The following PDE1C variants were observed in gnomAD, a reference collection of about 807,000 sequenced individuals.
PDE1C encodes dual specificity calcium/calmodulin-dependent 3',5'-cyclic nucleotide phosphodiesterase 1C.
Under a neutral mutation model 93.1 loss-of-function variants are expected in PDE1C, and 62 were observed. The observed-to-expected ratio is 0.67, with a 90% confidence interval of 0.54 to 0.82. PDE1C has a LOEUF of 0.82. Ranked by LOEUF, PDE1C falls within the 40% of genes least tolerant of loss-of-function variation. The pLI, the probability that PDE1C is intolerant of heterozygous loss-of-function variation, is 0.00. For missense variants in PDE1C, 742 were observed against 884.6 expected (o/e 0.84, Z 2.04); for synonymous variants, 325 against 310.1 (o/e 1.05, Z -0.50).
chr7:31,643,606 A>G, the PDE1C span: 2 of 1,614,036 alleles, frequency 1.2e-6, no homozygotes, highest in Non-Finnish European at 1.7e-6. Flanking sequence ...TGTTACCGCA[A>G]CAGAAACAAG....
At chr7:32,094,601 C>A (rs948426551) in intron 3 of PDE1C, among the ~76,000 whole-genome samples, 1 of 152,170 alleles carries the variant, frequency 6.6e-6, no homozygotes, top group Non-Finnish European at 1.5e-5. Flanking sequence ...GCCAACCAAA[C>A]AACTAAATCT....
intron 3 of PDE1C, among the ~76,000 whole-genome samples, chr7:32,111,102 G>A (rs374733305): frequency 4.6e-5 from 7 of 152,062 alleles, no homozygotes; most frequent in South Asian, 2.1e-4. Context: ...TAAAAGACTC[G>A]GGTCTTCCTG....
Position 31,815,937 on chromosome 7 carries a change from T to A in PDE1C, c.1800A>T (p.Glu600Asp). 6.2e-7 allele frequency: 1 copy of A among 1,611,490 alleles called. No individual in the cohort carries two copies. The highest frequency in any genetic ancestry group is 1.1e-5 in the South Asian group (1 of 91,028). The part of the protein sequence containing the change: ...KNSKAEKSSG[E>D]QQQNGDFKDG... The stretch of plus-strand genomic sequence containing the variant: ...AAGTCTACTCACCATTCTGTTGCTG[T>A]TCTCCTGATGACTTCTCGGCTTTGG... The change falls in exon 15 of 18, where the codon GAA becomes GAT. Residue 600 changes from glutamate to aspartate, a missense_variant. By Grantham distance (45) the Glu-to-Asp change is conservative. This residue lies in a region of PDE1C where 454 missense variants were observed against 459.4 expected (regional missense o/e 0.99). Transcript: ENST00000396191.
intron 1 of PDE1C, among the ~76,000 whole-genome samples, chr7:32,243,283 A>G (rs1808677721): frequency 6.6e-6 from 1 of 152,216 alleles, no homozygotes. Context: ...AGGGGGTTTC[A>G]GTCTTCCTGG....
At chr7:32,117,858 G>T (rs1350537211) in intron 3 of PDE1C, among the ~76,000 whole-genome samples, 1 of 152,202 alleles carries the variant, frequency 6.6e-6, no homozygotes, top group Non-Finnish European at 1.5e-5. Context: ...GGGGGAAGGG[G>T]TGTTGTTGTG....
At chr7:31,735,256 G>A in the PDE1C span, among the ~76,000 whole-genome samples, 1 of 152,108 alleles carries the variant, frequency 6.6e-6, no homozygotes, top group Admixed American at 6.5e-5. Context: ...AAATTAGCCA[G>A]GCATGGTGGT....
At chr7:32,349,457 A>C (rs945227320) in intron 1 of PDE1C, among the ~76,000 whole-genome samples, 2 of 152,176 alleles carry the variant, frequency 1.3e-5, no homozygotes, top group Non-Finnish European at 2.9e-5. Flanking sequence ...CCTAAAAGGG[A>C]GGTCCAAAAT....
chr7:31,724,603 C>T, the PDE1C span, among the ~76,000 whole-genome samples: 2 of 152,198 alleles, frequency 1.3e-5, no homozygotes, highest in African/African-American at 4.8e-5. Context: ...ACAGCCCAGG[C>T]TCTGATTCTT....
At chr7:31,813,850 TC>T (rs1787867035) in intron 15 of PDE1C, among the ~76,000 whole-genome samples, 2 of 152,142 alleles carry the variant, frequency 1.3e-5, no homozygotes, top group South Asian at 2.1e-4. Context: ...ACTGTATCAT[TC>T]TTATATTTTT....
At chr7:32,277,630 C>A (rs1218971134) in intron 1 of PDE1C, among the ~76,000 whole-genome samples, 1 of 152,186 alleles carries the variant, frequency 6.6e-6, no homozygotes, top group Admixed American at 6.5e-5. Flanking sequence ...TGTAGTCTGG[C>A]TTCGATGAAT....
chr7:31,865,191 G>A, intron 6 of PDE1C, 109 bp from the exon 7 acceptor site: 1 of 985,882 alleles, frequency 1.0e-6, no homozygotes, highest in Non-Finnish European at 1.5e-6. Flanking sequence ...TAACACATGA[G>A]GAAATTGGAA....
intron 1 of PDE1C, among the ~76,000 whole-genome samples, chr7:32,399,584 T>TA (rs1420580142): frequency 1.3e-5 from 2 of 148,450 alleles, no homozygotes; most frequent in African/African-American, 5.0e-5. Flanking sequence ...CATTTAACTT[T>TA]TTTTTTTTTT....
chr7:31,733,007 A>G, the PDE1C span, among the ~76,000 whole-genome samples: 1 of 152,222 alleles, frequency 6.6e-6, no homozygotes, highest in Non-Finnish European at 1.5e-5. Context: ...AAGCCATTCC[A>G]TAAGGTTGTT....
intron 1 of PDE1C, among the ~76,000 whole-genome samples, chr7:32,311,456 G>C (rs1008493587): frequency 6.6e-6 from 1 of 152,160 alleles, no homozygotes; most frequent in Non-Finnish European, 1.5e-5. Flanking sequence ...AACCAAAAAA[G>C]AGAATTTTAG....
chr7:32,288,504 G>A (rs1562652922), intron 1 of PDE1C, among the ~76,000 whole-genome samples: 1 of 152,180 alleles, frequency 6.6e-6, no homozygotes, highest in Non-Finnish European at 1.5e-5. Flanking sequence ...TGACCCAGAT[G>A]AGAAAGAAAG....
intron 16 of PDE1C, among the ~76,000 whole-genome samples, chr7:31,805,843 G>A (rs941713049): frequency 1.3e-5 from 2 of 151,874 alleles, no homozygotes; most frequent in Non-Finnish European, 2.9e-5. Context: ...TCCTCTCAAG[G>A]CAGTAAGCTG....
At chr7:32,104,206 A>T (rs750271553) in intron 3 of PDE1C, among the ~76,000 whole-genome samples, 3 of 152,220 alleles carry the variant, frequency 2.0e-5, no homozygotes, top group South Asian at 4.1e-4. Flanking sequence ...AAAGAGAAAT[A>T]GGACACACAT....
the PDE1C span, chr7:31,652,378 C>G: frequency 7.7e-7 from 1 of 1,298,750 alleles, no homozygotes. Flanking sequence ...AGCTAAGTCA[C>G]TATCAGAATC....
intron 14 of PDE1C, among the ~76,000 whole-genome samples, chr7:31,817,871 G>A (rs902326715): frequency 2.0e-5 from 3 of 152,132 alleles, no homozygotes; most frequent in Non-Finnish European, 4.4e-5. Context: ...TGTATTTTGT[G>A]AAAGTCTATG....
Sources: allele counts gnomAD v4.1 joint callset (sites outside exome capture counted in the v4.1 genomes callset), GRCh38; gene constraint gnomAD v4.1.1; regional missense constraint gnomAD v4.1.1; transcripts MANE v1.5; gene names NCBI Gene and HGNC (gene_info 2026-07-23, HGNC 2026-07-21).